TARS2: variants seen among roughly 807,000 people sequenced by gnomAD.
TARS2 encodes threonyl-tRNA synthetase 2, mitochondrial.
A neutral mutation model predicts 94.4 loss-of-function variants in TARS2; 61 were observed. The observed-to-expected ratio is 0.65, with a 90% confidence interval of 0.53 to 0.80. The LOEUF is 0.80. Ranked by LOEUF, TARS2 falls within the 30% of genes least tolerant of loss-of-function variation. The pLI, the probability that TARS2 is intolerant of heterozygous loss-of-function variation, is 0.00. For missense variants in TARS2, 704 were observed against 902.5 expected (o/e 0.78, Z 2.82); for synonymous variants, 359 against 353.4 (o/e 1.02, Z -0.18).
intron 7 of TARS2, among the ~76,000 whole-genome samples, chr1:150,493,875 G>C (rs1450236770): frequency 6.7e-6 from 1 of 150,178 alleles, no homozygotes; most frequent in East Asian, 2.0e-4. Flanking sequence ...TCTGAACTTA[G>C]ACTGGGCATG....
In TARS2 at chr1:150,497,158, G is replaced by C. The variant is rs949326745; in HGVS notation, c.1020+250G>C. Among the ~76,000 whole-genome samples, 10 of 152,100 alleles carry C rather than the reference G, an allele frequency of 6.6e-5. No individual in the cohort carries two copies. In the South Asian group the frequency reaches 1.0e-3, roughly 16 times the overall value. ...AAAAATTAGCCAGTGTGGTGGCAGC[G>C]CCTGTAGTCCCAGCTACTGGGGAGG... On this transcript the variant is annotated intron_variant, in intron 9 of 17. Coordinates refer to ENST00000369064, the MANE Select transcript of TARS2 (RefSeq NM_025150.5).
Position 150,504,638 on chromosome 1 carries a change from G to A in TARS2, c.1725G>A (p.Ala575=), listed in dbSNP as rs138397821. 25 of 1,613,568 alleles carry A rather than the reference G, an allele frequency of 1.5e-5. No individual in the cohort carries two copies. In the African/African-American group the frequency reaches 1.6e-4, roughly 10 times the overall value. The change falls in exon 15 of 18, where the codon GCG becomes GCA. Residue 575 remains alanine (A), a synonymous_variant. Coordinates refer to ENST00000369064, the MANE Select transcript of TARS2 (RefSeq NM_025150.5). ...CCCCCTTTTTCCTTTCAAGGCAGGC[G>A]GGTGCCCTGGAGCGTCCAGTCCTCA... The part of the protein sequence containing the change: ...LRFDLQYKGQ[A]GALERPVLIH...
At chr1:150,503,956 T>A (rs1670082943) in intron 13 of TARS2, among the ~76,000 whole-genome samples, 1 of 149,086 alleles carries the variant, frequency 6.7e-6, no homozygotes, top group African/African-American at 2.5e-5. Flanking sequence ...CAAGAGACAG[T>A]AATCAGAGTA....
intron 17 of TARS2, among the ~76,000 whole-genome samples, chr1:150,506,083 G>A (rs1271590016): frequency 6.6e-6 from 1 of 152,128 alleles, no homozygotes; most frequent in East Asian, 1.9e-4. Context: ...GCCTTAGGGA[G>A]AAAATTCTGG....
In TARS2 at chr1:150,498,676, C is replaced by G; in HGVS notation, c.1401+12C>G. ...GTACAACAGATCAGGTGGCCTTTCCCTGGCTCCACCAAAGCTTTTCTAAAC... is the reference window on the plus strand; with the variant it reads ...GTACAACAGATCAGGTGGCCTTTCCGTGGCTCCACCAAAGCTTTTCTAAAC... On this transcript the variant is annotated intron_variant, in intron 11 of 17. Coordinates refer to ENST00000369064, the MANE Select transcript of TARS2 (RefSeq NM_025150.5). The G allele has an allele frequency of 6.2e-7, 1 of 1,613,368 alleles. No homozygotes were observed. The highest frequency in any genetic ancestry group is 8.5e-7 in the Non-Finnish European group (1 of 1,179,814).
At chr1:150,496,677 A>G (rs1669677135) in intron 8 of TARS2, 49 bp downstream of exon 8, 1 of 1,600,456 alleles carries the variant, frequency 6.2e-7, no homozygotes, top group African/African-American at 1.3e-5. Flanking sequence ...GGTTGGAGAG[A>G]GATGACAGAA....
In TARS2 at chr1:150,489,122, C is replaced by T. The variant is rs778758173; in HGVS notation, c.387+35C>T. On this transcript the variant is annotated intron_variant, in intron 3 of 17. Transcript: ENST00000369064. Reference sequence around the variant, plus strand: ...TTTCTTATCAGGAATACAGTGACTACTAAACCAAGAGATATTGAAGCAGGA... The same window carrying T: ...TTTCTTATCAGGAATACAGTGACTATTAAACCAAGAGATATTGAAGCAGGA... 1.9e-6 allele frequency: 3 copies of T among 1,613,566 alleles called. No homozygotes were observed. In the South Asian group the frequency reaches 3.3e-5, roughly 18 times the overall value.
At chr1:150,499,394 C>A in intron 13 of TARS2, 101 bp downstream of exon 13, 1 of 1,093,154 alleles carries the variant, frequency 9.1e-7, no homozygotes, top group Non-Finnish European at 1.3e-6. Flanking sequence ...GAGACAGTCT[C>A]ACTCTGTCAC....
chr1:150,506,574 GAC>G (rs59687878), intron 17 of TARS2, among the ~76,000 whole-genome samples: 5,402 of 108,962 alleles, frequency 0.05, 357 homozygotes, highest in African/African-American at 0.13. Context: ...TAATGTCTCT[GAC>G]ACACACACAC....
At chr1:150,504,104 G>A (rs1670087894) in intron 13 of TARS2, among the ~76,000 whole-genome samples, 1 of 151,972 alleles carries the variant, frequency 6.6e-6, no homozygotes, top group Non-Finnish European at 1.5e-5. Context: ...GTGGACATCA[G>A]GTAATATTAT....
chr1:150,504,715 A>G lies in TARS2; in HGVS notation c.1802A>G (p.Glu601Gly). 1.2e-6 allele frequency: 2 copies of G among 1,614,158 alleles called. No homozygotes were observed. Among genetic ancestry groups the G allele is most frequent in the Non-Finnish European group, 1.7e-6 (2 of 1,180,032 alleles). ...GAAAGACTGTTGGGAGTGCTGGCAG[A>G]AAGCTGCGGGGGGAAATGGTGAGAC... ...SVERLLGVLA[E>G]SCGGKWPLWL... The change falls in exon 15 of 18, where the codon GAA becomes GGA. Residue 601 changes from glutamate (E) to glycine (G), a missense_variant. By Grantham distance (98) the Glu-to-Gly change is moderately conservative. This residue lies in a region of TARS2 where 466 missense variants were observed against 609.5 expected (regional missense o/e 0.76). Coordinates refer to ENST00000369064, the MANE Select transcript of TARS2 (RefSeq NM_025150.5).
chr1:150,497,901 G>C (rs1669740382), intron 10 of TARS2, among the ~76,000 whole-genome samples, 154 bp downstream of exon 10: 1 of 152,100 alleles, frequency 6.6e-6, no homozygotes, highest in African/African-American at 2.4e-5. Flanking sequence ...AGACCAGCCT[G>C]ACCAACATGG....
At chr1:150,489,316 T>C in intron 3 of TARS2, 1 of 563,072 alleles carries the variant, frequency 1.8e-6, no homozygotes, top group Non-Finnish European at 3.2e-6. Context: ...AGAGAGATGA[T>C]ATGTTGAAAA....
intron 16 of TARS2, among the ~76,000 whole-genome samples, chr1:150,505,277 A>T (rs1670151865): frequency 6.6e-6 from 1 of 152,176 alleles, no homozygotes; most frequent in Non-Finnish European, 1.5e-5. Flanking sequence ...TTTCCTTTCT[A>T]GAGAGAATTG....
At chr1:150,495,343 A>G (rs1378902455) in intron 7 of TARS2, among the ~76,000 whole-genome samples, 34 of 151,840 alleles carry the variant, frequency 2.2e-4, no homozygotes, top group African/African-American at 8.2e-4. Flanking sequence ...ATATACACAC[A>G]CACACACACG....
At chr1:150,490,312 T>A (rs1669326208) in intron 3 of TARS2, among the ~76,000 whole-genome samples, 1 of 151,670 alleles carries the variant, frequency 6.6e-6, no homozygotes, top group Non-Finnish European at 1.5e-5. Context: ...AGAGACAGGG[T>A]TTCACCATGT....
Position 150,497,594 on chromosome 1 carries a change from G to C in TARS2, c.1085G>C (p.Trp362Ser). The change falls in exon 10 of 18, where the codon TGG (tryptophan) becomes TCG (serine). Residue 362 changes from tryptophan (W) to serine (S), a missense_variant. Trp to Ser is a radical substitution (Grantham distance 177). Coordinates refer to ENST00000369064, the MANE Select transcript of TARS2 (RefSeq NM_025150.5). ...KTPTLFSTKL[W>S]EQSGHWEHYQ... The stretch of plus-strand genomic sequence containing the variant: ...CCCACACTGTTTTCTACGAAGCTCT[G>C]GGAACAGTCAGGGCACTGGGAGCAT... 1 of 1,614,168 alleles carries C rather than the reference G, an allele frequency of 6.2e-7. No homozygotes were observed. Among genetic ancestry groups the C allele is most frequent in the Non-Finnish European group, 8.5e-7 (1 of 1,180,036 alleles).
Position 150,496,748 on chromosome 1 carries a change from C to G in TARS2, c.922-62C>G, listed in dbSNP as rs587724911. On this transcript the variant is annotated intron_variant, in intron 8 of 17. Transcript: ENST00000369064. ...AGACTGAGCAGCTCCGTCAGTTGTT[C>G]TGAGTTCCAAAGCCACCTCCTTGCC... 3.0e-5 allele frequency: 49 copies of G among 1,608,822 alleles called. 1 individual carries two copies. In the South Asian group the frequency reaches 5.1e-4, roughly 17 times the overall value.
intron 3 of TARS2, chr1:150,489,431 G>C: frequency 3.0e-6 from 1 of 333,246 alleles, no homozygotes; most frequent in South Asian, 2.4e-5. Context: ...ATACAGCTGA[G>C]CAAACAACCT....
Sources: allele counts gnomAD v4.1 joint callset (sites outside exome capture counted in the v4.1 genomes callset), GRCh38; gene constraint gnomAD v4.1.1; regional missense constraint gnomAD v4.1.1; transcripts MANE v1.5; gene names NCBI Gene and HGNC (gene_info 2026-07-23, HGNC 2026-07-21).